Variants in ZNF717 observed in about 807,000 individuals in gnomAD.
ZNF717 encodes krueppel-like factor X17.
In ZNF717, 9 loss-of-function variants were observed where a neutral mutation model predicts 13.8. That is an observed-to-expected ratio of 0.65 (90% CI 0.39 to 1.14). The LOEUF (loss-of-function observed/expected upper bound fraction) is 1.14, where lower values mean the gene tolerates loss of function less well. ZNF717 is among the 50% of genes most tolerant of loss of function. The pLI is 0.01. For synonymous variants in ZNF717, 327 were observed against 364.1 expected, an observed-to-expected ratio of 0.90 and a Z score of 1.16; for missense variants, 1,040 against 1,080.7, an observed-to-expected ratio of 0.96 and a Z score of 0.53.
intron 2 of ZNF717, among the ~76,000 whole-genome samples, chr3:75,752,338 C>T (rs1941930644): frequency 6.6e-6 from 1 of 150,472 alleles, no homozygotes; most frequent in African/African-American, 2.5e-5. Flanking sequence ...GATTCCAGAA[C>T]ACTGCTGTTG....
intron 4 of ZNF717, among the ~76,000 whole-genome samples, chr3:75,721,277 T>C (rs61572557): frequency 6.6e-6 from 1 of 152,198 alleles, no homozygotes; most frequent in African/African-American, 2.4e-5. Flanking sequence ...CTGATGTTTT[T>C]GTTTATTTAT....
chr3:75,766,938 T>G (rs2107609136), intron 2 of ZNF717, among the ~76,000 whole-genome samples: 1 of 152,366 alleles, frequency 6.6e-6, no homozygotes, highest in African/African-American at 2.4e-5. Context: ...TGGAACAAAC[T>G]TGTTATAAAA....
intron 2 of ZNF717, among the ~76,000 whole-genome samples, chr3:75,767,892 A>C (rs558285080): frequency 6.6e-6 from 1 of 150,676 alleles, no homozygotes; most frequent in African/African-American, 2.4e-5. Context: ...AAAAGGAAAG[A>C]AAACAAAAGG....
At chr3:75,783,268 CA>C in intron 2 of ZNF717, 37 bp downstream of exon 2, 1 of 1,465,462 alleles carries the variant, frequency 6.8e-7, no homozygotes, top group Non-Finnish European at 9.4e-7. Flanking sequence ...TCAGAAAATA[CA>C]GTGTAAAACA....
Position 75,777,411 on chromosome 3 carries a change from C to T in ZNF717, c.57+5895G>A, listed in dbSNP as rs562031348. Among the ~76,000 whole-genome samples, 386 of 146,280 alleles carry T rather than the reference C, an allele frequency of 2.6e-3. 2 individuals carry two copies. The highest frequency in any genetic ancestry group is 9.3e-3 in the African/African-American group (365 of 39,398). ...AACAATGGGAGTGATGTGCTAAAACCGGAACCCAAAACAATGGGAGTGACC... is the reference window on the plus strand; with the variant it reads ...AACAATGGGAGTGATGTGCTAAAACTGGAACCCAAAACAATGGGAGTGACC... On this transcript the variant is annotated intron_variant, in intron 2 of 4. Transcript: ENST00000652011.
At chr3:75,708,559 C>T (rs557117597), downstream of ZNF717, among the ~76,000 whole-genome samples, 1 of 152,080 alleles carries the variant, frequency 6.6e-6, no homozygotes, top group East Asian at 1.9e-4. Context: ...AAGCAGAGTG[C>T]CTCTCCTCCT....
Position 75,736,767 on chromosome 3 carries a change from G to A in ZNF717, c.*111C>T, listed in dbSNP as rs75897724. On this transcript the variant is annotated 3_prime_UTR_variant, in exon 5 of 5. Transcript: ENST00000652011. ...AGGACTTCTGTTACAGCATGGTTAAGACCTTCTTGTTGGTAGGCCAGGAGG... is the reference window on the plus strand; with the variant it reads ...AGGACTTCTGTTACAGCATGGTTAAAACCTTCTTGTTGGTAGGCCAGGAGG... The A allele has an allele frequency of 1.7e-6, 2 of 1,193,902 alleles. No individual in the cohort carries two copies. The highest frequency in any genetic ancestry group is 5.2e-5 in the East Asian group (2 of 38,704). 74.0% of individuals were successfully genotyped at this position (1,193,902 alleles called of 1,614,324 possible).
At chr3:75,722,635 T>G (rs1938192090) in intron 4 of ZNF717, among the ~76,000 whole-genome samples, 2 of 151,856 alleles carry the variant, frequency 1.3e-5, no homozygotes, top group South Asian at 2.1e-4. Flanking sequence ...GCCAACATGG[T>G]GAAACCCCGT....
At chr3:75,784,942 A>AC (rs1480037551) in intron 1 of ZNF717, 1 of 152,154 alleles carries the variant, frequency 6.6e-6, no homozygotes, top group Non-Finnish European at 1.5e-5. Flanking sequence ...ATCATCCAGT[A>AC]CCCCATCTCC....
chr3:75,728,354 G>A (rs1270432882), downstream of ZNF717, among the ~76,000 whole-genome samples: 1 of 152,090 alleles, frequency 6.6e-6, no homozygotes, highest in Admixed American at 6.5e-5. Context: ...AAGGAGACAG[G>A]TCTATGCTTT....
intron 2 of ZNF717, among the ~76,000 whole-genome samples, chr3:75,753,862 T>C (rs1575858182): frequency 6.6e-6 from 1 of 152,154 alleles, no homozygotes; most frequent in Admixed American, 6.5e-5. Flanking sequence ...TCCAGAACAC[T>C]GCTACAAGGG....
chr3:75,743,395 C>T (rs1940720080), intron 2 of ZNF717, among the ~76,000 whole-genome samples: 1 of 152,156 alleles, frequency 6.6e-6, no homozygotes. Context: ...CCCATGGATA[C>T]AAAAGGGTGA....
At chr3:75,783,063 G>A (rs568301114) in intron 2 of ZNF717, among the ~76,000 whole-genome samples, 4 of 152,338 alleles carry the variant, frequency 2.6e-5, no homozygotes, top group African/African-American at 4.8e-5. Context: ...TTCCAATCAC[G>A]TAACAACCAT....
chr3:75,755,359 T>TA (rs1942381999), intron 2 of ZNF717, among the ~76,000 whole-genome samples: 1 of 152,228 alleles, frequency 6.6e-6, no homozygotes, highest in Non-Finnish European at 1.5e-5. Flanking sequence ...TACACACAGA[T>TA]AGATTATGTA....
At chr3:75,703,996 C>CT (rs1937749514) in intron 6 of ZNF717, among the ~76,000 whole-genome samples, 1 of 152,302 alleles carries the variant, frequency 6.6e-6, no homozygotes, top group African/African-American at 2.4e-5. Flanking sequence ...TATAAATGTC[C>CT]TAGGAGTGTA....
Position 75,738,408 on chromosome 3 carries a change from G to A in ZNF717, c.1215C>T (p.Ser405=), listed in dbSNP as rs752406131. ...GATGTATTGTGAGGTATGACTTCTG[G>A]CTAAAGGTTTTTCCACATTCACTAC... ...YQCSECGKTF[S]QKSYLTIHHR... Residue 405 remains serine, a synonymous_variant, in exon 5 of 5, where the codon AGC becomes AGT. Transcript: ENST00000652011. 3 of 1,532,184 alleles carry A rather than the reference G, an allele frequency of 2.0e-6. No homozygotes were observed. Among genetic ancestry groups the A allele is most frequent in the Middle Eastern group, 3.4e-4 (2 of 5,926 alleles). 94.9% of individuals were successfully genotyped at this position (1,532,184 alleles called of 1,614,324 possible).
chr3:75,742,074 T>C (rs1458159113), intron 2 of ZNF717, among the ~76,000 whole-genome samples: 273 of 152,278 alleles, frequency 1.8e-3, no homozygotes, highest in African/African-American at 5.9e-3. Flanking sequence ...ATTAATAAAA[T>C]TGTATTACAA....
At chr3:75,749,579 G>T (rs1019086579) in intron 2 of ZNF717, among the ~76,000 whole-genome samples, 3 of 151,228 alleles carry the variant, frequency 2.0e-5, no homozygotes, top group South Asian at 4.2e-4. Context: ...ACTGCCACAA[G>T]GGTCTGAATA....
downstream of ZNF717, among the ~76,000 whole-genome samples, chr3:75,732,295 C>G (rs1938631150): frequency 2.0e-5 from 3 of 152,366 alleles, no homozygotes; most frequent in Non-Finnish European, 4.4e-5. Flanking sequence ...CCAGTCATCC[C>G]TAAAGGGGAA....
Sources: gnomAD v4.1 joint callset for allele counts (sites outside exome capture counted in the v4.1 genomes callset) on GRCh38, gnomAD v4.1.1 for gene constraint, MANE v1.5 for transcripts, NCBI Gene and HGNC (gene_info 2026-07-23, HGNC 2026-07-21) for gene names.